PCDHA5: variants seen among roughly 807,000 people sequenced by gnomAD.
PCDHA5 encodes protocadherin alpha 5, also known as protocadherin alpha-5.
In PCDHA5, 43 loss-of-function variants were observed where a neutral mutation model predicts 61.6. That is an observed-to-expected ratio of 0.70 (90% confidence interval 0.55 to 0.90). The LOEUF (loss-of-function observed/expected upper bound fraction) is 0.90, where lower values mean the gene tolerates loss of function less well. Ranked by LOEUF, PCDHA5 falls within the 40% of genes least tolerant of loss-of-function variation. PCDHA5 has a pLI of 0.00. For missense variants in PCDHA5, 1,298 were observed against 1,222.7 expected (o/e 1.06, Z -0.92); for synonymous variants, 627 against 543.9 (o/e 1.15, Z -2.13).
At chr5:140,872,957 C>T (rs2054004795) in intron 1 of PCDHA5, among the ~76,000 whole-genome samples, 1 of 152,138 alleles carries the variant, frequency 6.6e-6, no homozygotes, top group African/African-American at 2.4e-5. Flanking sequence ...CACGTAGTAT[C>T]ATCCCATCTG....
intron 1 of PCDHA5, 115 bp downstream of exon 1, chr5:140,824,242 G>C (rs2150133483): frequency 1.3e-6 from 2 of 1,484,408 alleles, no homozygotes; most frequent in Non-Finnish European, 1.9e-6. Flanking sequence ...AAATATTGTG[G>C]TACACAATTA....
intron 1 of PCDHA5, chr5:140,843,825 CATT>C: frequency 1.7e-6 from 2 of 1,188,044 alleles, no homozygotes; most frequent in East Asian, 2.4e-5. Context: ...AAAATTTAAA[CATT>C]GTTTAGTTTT....
chr5:141,003,724 A>C (rs575036478), intron 3 of PCDHA5, among the ~76,000 whole-genome samples: 2 of 151,950 alleles, frequency 1.3e-5, no homozygotes, highest in African/African-American at 4.8e-5. Flanking sequence ...CGGCTAATCC[A>C]ATAAAAAAGC....
chr5:140,876,596 C>T (rs1361945795), intron 1 of PCDHA5: 1 of 1,614,040 alleles, frequency 6.2e-7, no homozygotes, highest in East Asian at 2.2e-5. Flanking sequence ...ATTAGCGTGT[C>T]GGATCGTGAC....
rs2150124960 is a variant in PCDHA5 at position 140,823,354 on chromosome 5, G to C, written c.1579G>C (p.Val527Leu). ...YALQPLDHEE[V>L]ELLQFQVSAR... ...GCTGCAGCCGCTGGACCACGAGGAA[G>C]TGGAGCTGCTGCAGTTCCAGGTGAG... The change falls in exon 1 of 4, where the codon GTG becomes CTG. Residue 527 changes from valine (V) to leucine (L), a missense_variant. Coordinates refer to ENST00000529859, the MANE Select transcript of PCDHA5 (RefSeq NM_018908.3). 30 of 1,612,450 alleles carry C rather than the reference G, an allele frequency of 1.9e-5. No individual in the cohort carries two copies. In the African/African-American group the frequency reaches 2.8e-4, roughly 15 times the overall value.
rs1458420006 is a variant in PCDHA5 at position 140,928,100 on chromosome 5, T to A, written c.2353-50849T>A. On this transcript the variant is annotated intron_variant, in intron 1 of 3. Transcript: ENST00000529859. Reference sequence around the variant, plus strand: ...TACAGCCTGCTGATTGATGGGCCCCTGGACCGGGAGCAGATCAGTGAATAC... The same window carrying A: ...TACAGCCTGCTGATTGATGGGCCCCAGGACCGGGAGCAGATCAGTGAATAC... 2.3e-5 allele frequency: 37 copies of A among 1,614,090 alleles called. No individual in the cohort carries two copies. Among genetic ancestry groups the A allele is most frequent in the Non-Finnish European group, 2.9e-5 (34 of 1,180,048 alleles).
At chr5:140,880,663 G>A (rs1324939406) in intron 1 of PCDHA5, among the ~76,000 whole-genome samples, 1 of 152,210 alleles carries the variant, frequency 6.6e-6, no homozygotes, top group African/African-American at 2.4e-5. Flanking sequence ...AGGTAAAGGT[G>A]AGAGTAAATT....
intron 1 of PCDHA5, chr5:140,824,589 T>A (rs2150134890): frequency 6.5e-6 from 1 of 154,268 alleles, no homozygotes; most frequent in Non-Finnish European, 1.4e-5. Context: ...GTAGCTGGAC[T>A]ACATGCACAT....
intron 1 of PCDHA5, among the ~76,000 whole-genome samples, chr5:140,827,481 A>C (rs555131112): frequency 1.3e-5 from 2 of 152,252 alleles, no homozygotes; most frequent in Admixed American, 1.3e-4. Flanking sequence ...TTGAACAAAG[A>C]AAGCATGGAC....
At chr5:140,877,730 A>C in intron 1 of PCDHA5, 1 of 1,614,146 alleles carries the variant, frequency 6.2e-7, no homozygotes, top group Non-Finnish European at 8.5e-7. Context: ...TACTCGCAGC[A>C]GAGGAGGCAG....
At chr5:140,942,705 T>TA (rs1220612434) in intron 1 of PCDHA5, among the ~76,000 whole-genome samples, 1 of 152,100 alleles carries the variant, frequency 6.6e-6, no homozygotes, top group Non-Finnish European at 1.5e-5. Flanking sequence ...AAATATGAAG[T>TA]AAAAGTATGA....
chr5:140,916,220 A>G (rs886998484), intron 1 of PCDHA5, among the ~76,000 whole-genome samples: 11 of 152,084 alleles, frequency 7.2e-5, no homozygotes, highest in African/African-American at 2.7e-4. Context: ...AGATCCAAAT[A>G]TGCTTTCCAG....
intron 1 of PCDHA5, chr5:140,835,872 C>T: frequency 6.2e-7 from 1 of 1,612,050 alleles, no homozygotes; most frequent in Non-Finnish European, 8.5e-7. Flanking sequence ...GCTGGTGGAG[C>T]TGCGGGTGGG....
intron 1 of PCDHA5, chr5:140,928,535 G>A (rs1554205968): frequency 2.5e-6 from 4 of 1,614,224 alleles, no homozygotes; most frequent in East Asian, 2.2e-5. Context: ...GTGGTAGATA[G>A]GAATGACAAT....
chr5:140,871,291 G>C, intron 1 of PCDHA5: 1 of 1,613,906 alleles, frequency 6.2e-7, no homozygotes, highest in Non-Finnish European at 8.5e-7. Flanking sequence ...CACTGAGGGC[G>C]CGTGCGCGCC....
At chr5:140,849,211 C>A in intron 1 of PCDHA5, 1 of 1,031,972 alleles carries the variant, frequency 9.7e-7, no homozygotes, top group East Asian at 2.6e-5. Context: ...AATGACAATG[C>A]CCCAGTGTTC....
intron 1 of PCDHA5, among the ~76,000 whole-genome samples, chr5:140,890,853 C>T (rs1202284942): frequency 1.3e-5 from 2 of 152,058 alleles, no homozygotes; most frequent in Non-Finnish European, 2.9e-5. Flanking sequence ...GTTTCTCTTC[C>T]TTACTTCTTG....
Position 140,843,574 on chromosome 5 carries a change from G to T in PCDHA5, c.2352+19447G>T, listed in dbSNP as rs2150362915. On this transcript the variant is annotated intron_variant, in intron 1 of 3. Transcript: ENST00000529859. ...GTGCGGTGGGGAGCTGGTCATACTC[G>T]CAACAACAGCCGCAGAGGGTGTGCT... 67 of 1,595,908 alleles carry T rather than the reference G, an allele frequency of 4.2e-5. 3 individuals are homozygous for T. The East Asian group carries it at 1.4e-3, about 34-fold the overall frequency.
intron 3 of PCDHA5, among the ~76,000 whole-genome samples, chr5:141,003,809 G>C (rs1554259330): frequency 6.6e-6 from 1 of 152,290 alleles, no homozygotes; most frequent in African/African-American, 2.4e-5. Flanking sequence ...GTAATCTGTA[G>C]TCTGGGAAGG....
Sources: allele counts gnomAD v4.1 joint callset (sites outside exome capture counted in the v4.1 genomes callset), GRCh38; gene constraint gnomAD v4.1.1; transcripts MANE v1.5; gene names NCBI Gene and HGNC (gene_info 2026-07-23, HGNC 2026-07-21).